The following SORCS3 variants were observed in gnomAD, a reference collection of about 807,000 sequenced individuals.
SORCS3 encodes the protein sortilin related VPS10 domain containing receptor 3.
In SORCS3, 57 loss-of-function variants were observed where a neutral mutation model predicts 146.3. The observed-to-expected ratio is 0.39, with a 90% CI of 0.31 to 0.49. SORCS3 has a LOEUF of 0.49. Ranked by LOEUF, SORCS3 falls within the 20% of genes least tolerant of loss-of-function variation. The pLI, the probability that SORCS3 is intolerant of heterozygous loss-of-function variation, is 0.92. For synonymous variants in SORCS3, 653 were observed against 618.5 expected, an observed-to-expected ratio of 1.06 and a Z score of -0.83; for missense variants, 1,341 against 1,575.5, an observed-to-expected ratio of 0.85 and a Z score of 2.52.
intron 1 of SORCS3, among the ~76,000 whole-genome samples, chr10:104,669,887 ACTTT>A (rs1589452437): frequency 1.4e-5 from 2 of 146,972 alleles, no homozygotes; most frequent in African/African-American, 5.0e-5. Flanking sequence ...CCTCACCAAC[ACTTT>A]CTGTTTTTTT....
chr10:104,745,119 C>G (rs905038718), intron 1 of SORCS3, among the ~76,000 whole-genome samples: 1 of 152,102 alleles, frequency 6.6e-6, no homozygotes, highest in African/African-American at 2.4e-5. Context: ...GCATGGTGAA[C>G]GTGGCTACAA....
chr10:104,712,999 G>C (rs1048553067), intron 1 of SORCS3, among the ~76,000 whole-genome samples: 4 of 152,106 alleles, frequency 2.6e-5, no homozygotes, highest in African/African-American at 9.7e-5. Flanking sequence ...CAGATAAACA[G>C]GATTTAAAGT....
At chr10:105,129,626 T>C (rs962626563) in intron 7 of SORCS3, among the ~76,000 whole-genome samples, 7 of 151,358 alleles carry the variant, frequency 4.6e-5, no homozygotes, top group Admixed American at 1.3e-4. Context: ...TCCTTTTGTA[T>C]TTCTGCCCTT....
rs901350144 is a variant in SORCS3, at chr10:105,262,606, A to G, written c.3604+115A>G. ...AGGGTGGGGACAAACAACTACCTAC[A>G]GTGACAGAATCATGTTTTAAATTTG... On this transcript the variant is annotated intron_variant, in intron 26 of 26. Transcript: ENST00000369701. The G allele has an allele frequency of 1.1e-5, 12 of 1,054,066 alleles. No homozygotes were observed. The African/African-American group carries it at 1.4e-4, about 13-fold the overall frequency. 65.3% of individuals were successfully genotyped at this position (1,054,066 alleles called of 1,614,324 possible). A position where few individuals can be genotyped will look rare whatever the true frequency, so the allele number is the denominator to read the frequency against.
intron 2 of SORCS3, among the ~76,000 whole-genome samples, chr10:104,854,957 C>G (rs1378270326): frequency 6.6e-6 from 1 of 152,096 alleles, no homozygotes; most frequent in South Asian, 2.1e-4. Context: ...TAACCATTTA[C>G]CTGTTGAAGG....
chr10:104,643,107 G>A (rs1220910106), intron 1 of SORCS3, among the ~76,000 whole-genome samples: 1 of 152,230 alleles, frequency 6.6e-6, no homozygotes, highest in Non-Finnish European at 1.5e-5. Context: ...TGGCTCCATG[G>A]TTCAGATCAG....
At chr10:104,687,913 G>C (rs2016067131) in intron 1 of SORCS3, among the ~76,000 whole-genome samples, 2 of 152,184 alleles carry the variant, frequency 1.3e-5, no homozygotes, top group Admixed American at 6.5e-5. Context: ...CCTGTGCTTT[G>C]CTTTCACAGT....
intron 1 of SORCS3, 68 bp downstream of exon 1, chr10:104,642,022 G>GGGGGCCC: frequency 5.8e-6 from 1 of 173,336 alleles, no homozygotes. Flanking sequence ...GGGTGGGTGG[G>GGGGGCCC]AGCGAGGGAC....
At chr10:104,996,550 A>G (rs1317595367) in intron 4 of SORCS3, among the ~76,000 whole-genome samples, 1 of 151,420 alleles carries the variant, frequency 6.6e-6, no homozygotes, top group African/African-American at 2.4e-5. Flanking sequence ...AAAGAATTGA[A>G]CAATTCAACC....
intron 7 of SORCS3, among the ~76,000 whole-genome samples, chr10:105,113,701 T>C (rs1261805409): frequency 6.6e-6 from 1 of 152,174 alleles, no homozygotes; most frequent in Non-Finnish European, 1.5e-5. Flanking sequence ...GGGAACCCAG[T>C]GTTTGATCTC....
chr10:105,138,895 T>C (rs915891233), intron 7 of SORCS3, among the ~76,000 whole-genome samples: 2 of 152,180 alleles, frequency 1.3e-5, no homozygotes, highest in African/African-American at 4.8e-5. Context: ...GATTTGTAAA[T>C]ATGAAGGAAA....
intron 1 of SORCS3, among the ~76,000 whole-genome samples, chr10:104,776,940 C>T (rs921075467): frequency 7.1e-6 from 1 of 140,606 alleles, no homozygotes; most frequent in Admixed American, 7.7e-5. Context: ...GACAGGCAGA[C>T]AGGCAGAGAG....
At chr10:105,169,184 C>G (rs2056339570) in intron 13 of SORCS3, among the ~76,000 whole-genome samples, 1 of 152,070 alleles carries the variant, frequency 6.6e-6, no homozygotes, top group African/African-American at 2.4e-5. Context: ...GACATGTATA[C>G]CTGGCAGCAC....
intron 2 of SORCS3, among the ~76,000 whole-genome samples, chr10:104,858,854 C>A (rs1378766410): frequency 2.0e-5 from 3 of 150,892 alleles, no homozygotes; most frequent in Non-Finnish European, 4.4e-5. Flanking sequence ...ATCTCCTGAC[C>A]TCGTGATCCG....
chr10:105,189,873 T>C (rs1394117562), intron 14 of SORCS3, among the ~76,000 whole-genome samples: 4 of 152,206 alleles, frequency 2.6e-5, no homozygotes, highest in Non-Finnish European at 5.9e-5. Context: ...GCTAAGCCAA[T>C]AGACTCATAG....
At chr10:104,783,726 C>CA (rs2017400648) in intron 1 of SORCS3, among the ~76,000 whole-genome samples, 1 of 151,618 alleles carries the variant, frequency 6.6e-6, no homozygotes, top group Non-Finnish European at 1.5e-5. Flanking sequence ...GACTCCGTCT[C>CA]AAAAAAGAGA....
At chr10:104,674,942 C>A (rs887278046) in intron 1 of SORCS3, among the ~76,000 whole-genome samples, 2 of 152,124 alleles carry the variant, frequency 1.3e-5, no homozygotes, top group African/African-American at 4.8e-5. Context: ...TATGAACATT[C>A]CTGTACATTT....
At chr10:104,996,459 C>T (rs1430614340) in intron 4 of SORCS3, among the ~76,000 whole-genome samples, 7 of 152,112 alleles carry the variant, frequency 4.6e-5, no homozygotes, top group African/African-American at 1.7e-4. Flanking sequence ...GTAAACTTGA[C>T]TTTTTAAATG....
At chr10:104,893,623 C>T (rs972806578) in intron 2 of SORCS3, among the ~76,000 whole-genome samples, 2 of 152,204 alleles carry the variant, frequency 1.3e-5, no homozygotes, top group East Asian at 1.9e-4. Flanking sequence ...TCCCCTGGTG[C>T]GAGACCTTTA....
Sources: allele counts gnomAD v4.1 joint callset (sites outside exome capture counted in the v4.1 genomes callset), GRCh38; gene constraint gnomAD v4.1.1; transcripts MANE v1.5; gene names NCBI Gene and HGNC (gene_info 2026-07-23, HGNC 2026-07-21).